The following APBB1 variants were observed in gnomAD, a reference collection of about 807,000 sequenced individuals.
APBB1 encodes adaptor protein FE65a2.
APBB1 carries 22 observed loss-of-function variants against 78.4 expected under a neutral mutation model. The ratio of observed to expected loss-of-function variants is 0.28; its 90% confidence interval spans 0.20 to 0.40. APBB1 has a LOEUF of 0.40. APBB1 is among the 10% of genes least tolerant of loss of function. APBB1 has a pLI of 1.00. For missense variants in APBB1, 749 were observed against 932.4 expected (o/e 0.80, Z 2.56); for synonymous variants, 369 against 372.7 (o/e 0.99, Z 0.12).
In APBB1 at chr11:6,395,412, C is replaced by T. The variant is rs2134028570; in HGVS notation, c.*122G>A. On this transcript the variant is annotated 3_prime_UTR_variant, in exon 15 of 15. Coordinates refer to ENST00000609360, the MANE Select transcript of APBB1 (RefSeq NM_001164.5). This position sits in a 1 kb window ranked among gnomAD's most constrained non-coding sequence, Gnocchi z 5.2. ...GCTCCTAGGCAGGGAACCGTAGCTA[C>T]TGGGGAGGGGCATATTTGGGAGGCC... 1 of 1,103,486 alleles carries T rather than the reference C, an allele frequency of 9.1e-7. No homozygotes were observed. 68.4% of individuals were successfully genotyped at this position (1,103,486 alleles called of 1,614,324 possible). A position where few individuals can be genotyped will look rare whatever the true frequency, so the allele number is the denominator to read the frequency against.
Position 6,410,877 on chromosome 11 carries a change from G to A in APBB1, c.471C>T (p.Ala157=), listed in dbSNP as rs764100827. The change falls in exon 2 of 15, where the codon GCC becomes GCT. Residue 157 remains alanine, a synonymous_variant. Transcript: ENST00000609360. The part of the protein sequence containing the change: ...DEGEEKAAGE[A]EEEEEDDDDE... ...CATCATCATCCTCCTCCTCCTCCTC[G>A]GCCTCCCCGGCCGCCTTCTCCTCTC... is the stretch of plus-strand genomic sequence containing the variant. The A allele has an allele frequency of 7.4e-6, 12 of 1,613,746 alleles. No homozygotes were observed. Among genetic ancestry groups the A allele is most frequent in the African/African-American group, 4.0e-5 (3 of 74,914 alleles).
rs34466697 is a variant in APBB1, at chr11:6,401,421, G to A, written c.1512C>T (p.Ala504=). Residue 504 remains alanine (A), a synonymous_variant, in exon 11 of 15, where the codon GCC becomes GCT. Transcript: ENST00000609360. The surrounding 1 kb of genome is among the most constrained non-coding windows in gnomAD (Gnocchi z 4.5). ...CCAAGCAGCGGGCATTACGCCGTTCGGCCATGATCTGAGGAAGGAAGGGAG... is the reference window on the plus strand; with the variant it reads ...CCAAGCAGCGGGCATTACGCCGTTCAGCCATGATCTGAGGAAGGAAGGGAG... ...SLHEICSKIM[A]ERRNARCLVN... is the part of the protein sequence containing the mutation. 3.7e-5 allele frequency: 60 copies of A among 1,613,574 alleles called. No homozygotes were observed. Among genetic ancestry groups the A allele is most frequent in the Middle Eastern group, 1.6e-4 (1 of 6,082 alleles).
Position 6,396,242 on chromosome 11 carries a change from C to CT in APBB1, c.1673-28dup, listed in dbSNP as rs905062627. On this transcript the variant is annotated intron_variant, in intron 12 of 14. Transcript: ENST00000609360. ...TAGAACATATGGACACAAGATACCA[C>CT]TGAGGGTAGACAGAGGATACCCCAG... 2.6e-6 allele frequency: 4 copies of CT among 1,539,844 alleles called. No homozygotes were observed. The African/African-American group carries it at 5.5e-5, about 21-fold the overall frequency.
In APBB1 at chr11:6,401,276, T is replaced by A. The variant is rs1308172925; in HGVS notation, c.1588+69A>T. 1 of 1,613,598 alleles carries A rather than the reference T, an allele frequency of 6.2e-7. No homozygotes were observed. The highest frequency in any genetic ancestry group is 2.2e-5 in the East Asian group (1 of 44,858). On this transcript the variant is annotated intron_variant, in intron 11 of 14. Coordinates refer to ENST00000609360, the MANE Select transcript of APBB1 (RefSeq NM_001164.5). The surrounding 1 kb of genome is among the most constrained non-coding windows in gnomAD (Gnocchi z 4.5). ...TCTATCAGCGCTGTCCAGGAGCTCA[T>A]GCCTTTCCTTGGGTCACCCACCTTT...
chr11:6,410,859 A>C lies in APBB1; in HGVS notation c.489T>G (p.Asp163Glu), dbSNP rs150119080. Reference protein sequence around the residue: ...AAGEAEEEEEDDDDEEEEEDL... With the variant: ...AAGEAEEEEEEDDDEEEEEDL... ...CCTCCTCCTCCTCTTCATCATCATCATCCTCCTCCTCCTCCTCGGCCTCCC... is the reference window on the plus strand; with the variant it reads ...CCTCCTCCTCCTCTTCATCATCATCCTCCTCCTCCTCCTCCTCGGCCTCCC... Residue 163 changes from aspartate (D) to glutamate (E), a missense_variant, in exon 2 of 15, where the codon GAT becomes GAG. Physicochemically the swap from Asp to Glu is conservative, Grantham distance 45 (BLOSUM62 2). Coordinates refer to ENST00000609360, the MANE Select transcript of APBB1 (RefSeq NM_001164.5). 4,596 of 1,610,748 alleles carry C rather than the reference A, an allele frequency of 2.9e-3. 6 individuals are homozygous for C. Among genetic ancestry groups the C allele is most frequent in the Non-Finnish European group, 3.3e-3 (3,848 of 1,177,840 alleles).
At chr11:6,406,697 A>G (rs930042530) in intron 2 of APBB1, among the ~76,000 whole-genome samples, 1 of 150,784 alleles carries the variant, frequency 6.6e-6, no homozygotes, top group Admixed American at 6.6e-5. Flanking sequence ...CTCCCAGCCC[A>G]CCTCCCTTAC....
chr11:6,404,967 T>C, intron 2 of APBB1: 3 of 1,436,638 alleles, frequency 2.1e-6, no homozygotes, highest in African/African-American at 2.9e-5. Context: ...TGGAGCTTGC[T>C]AGGGAGGGGC....
At chr11:6,408,861 A>G (rs998224525) in intron 2 of APBB1, among the ~76,000 whole-genome samples, 39 of 151,426 alleles carry the variant, frequency 2.6e-4, no homozygotes, top group African/African-American at 9.5e-4. Context: ...CTGTTTCTGA[A>G]CTCCTGGCCT....
chr11:6,404,102 A>G (rs894660831), intron 2 of APBB1: 3 of 410,160 alleles, frequency 7.3e-6, no homozygotes, highest in Non-Finnish European at 1.3e-5. Flanking sequence ...GAAGGGAGCA[A>G]TGAATGTTGG....
chr11:6,402,775 G>A, intron 6 of APBB1, 50 bp from the exon 7 acceptor site: 1 of 1,609,816 alleles, frequency 6.2e-7, no homozygotes, highest in Non-Finnish European at 8.5e-7. Flanking sequence ...AGTCAAAACT[G>A]GAGAGTTCCT....
At position 6,411,588 on chromosome 11, in the gene APBB1, C is replaced by A. The variant is rs1848965796; in HGVS notation, c.-14-227G>T. On this transcript the variant is annotated intron_variant, in intron 1 of 14. Transcript: ENST00000609360. The surrounding 1 kb of genome is among the most constrained non-coding windows in gnomAD (Gnocchi z 5.2). ...CTGAGGCCCACCCCATCCCTATATC[C>A]CCTGCCCTGAGCTTTCTGGGATGGC... 6.6e-6 allele frequency among the ~76,000 whole-genome samples: 1 copy of A among 151,966 alleles called. No homozygotes were observed. The highest frequency in any genetic ancestry group is 2.4e-5 in the African/African-American group (1 of 41,320).
chr11:6,415,171 T>G (rs1002649281), intron 1 of APBB1, among the ~76,000 whole-genome samples: 1 of 152,146 alleles, frequency 6.6e-6, no homozygotes, highest in African/African-American at 2.4e-5. Context: ...CTCATTGGAG[T>G]TACCAAAGGA....
intron 2 of APBB1, chr11:6,404,770 G>A (rs564816532): frequency 5.1e-4 from 782 of 1,536,192 alleles, no homozygotes; most frequent in Non-Finnish European, 6.4e-4. Context: ...GCAGGATAAT[G>A]GCCAGGAAAA....
chr11:6,400,773 C>T (rs557268621), intron 12 of APBB1, among the ~76,000 whole-genome samples: 6 of 152,288 alleles, frequency 3.9e-5, no homozygotes, highest in South Asian at 4.1e-4. Context: ...GCACCACTCA[C>T]GTGGCTGATG....
Position 6,402,271 on chromosome 11 carries a change from C to T in APBB1, c.1255-62G>A, listed in dbSNP as rs1848564357. On this transcript the variant is annotated intron_variant, in intron 7 of 14. Coordinates refer to ENST00000609360, the MANE Select transcript of APBB1 (RefSeq NM_001164.5). ...GCCAGGATGGTGGCTGATCTCTGAC[C>T]CCTGCAGCTCAGGGGATGTTAGCCA... is the stretch of plus-strand genomic sequence containing the variant. 30 of 1,592,088 alleles carry T rather than the reference C, an allele frequency of 1.9e-5. 1 individual carries two copies. Among genetic ancestry groups the T allele is most frequent in the South Asian group, 3.4e-5 (3 of 88,846 alleles).
chr11:6,398,646 C>G (rs1017820074), intron 12 of APBB1, among the ~76,000 whole-genome samples: 1 of 152,124 alleles, frequency 6.6e-6, no homozygotes, highest in Non-Finnish European at 1.5e-5. Flanking sequence ...AAGTTGAGGA[C>G]GAGAAGGAGG....
chr11:6,395,433 A>T lies in APBB1; in HGVS notation c.*101T>A. 1 of 1,298,958 alleles carries T rather than the reference A, an allele frequency of 7.7e-7. No individual in the cohort carries two copies. Among genetic ancestry groups the T allele is most frequent in the East Asian group, 2.7e-5 (1 of 37,724 alleles). 80.5% of individuals were successfully genotyped at this position (1,298,958 alleles called of 1,614,324 possible). A position where few individuals can be genotyped will look rare whatever the true frequency, so the allele number is the denominator to read the frequency against. The stretch of plus-strand genomic sequence containing the variant: ...GCTACTGGGGAGGGGCATATTTGGG[A>T]GGCCTGAGGCCTAGGAATAGCCTCT... On this transcript the variant is annotated 3_prime_UTR_variant, in exon 15 of 15. Coordinates refer to ENST00000609360, the MANE Select transcript of APBB1 (RefSeq NM_001164.5). This position sits in a 1 kb window ranked among gnomAD's most constrained non-coding sequence, Gnocchi z 5.2.
At chr11:6,402,808 C>A in intron 6 of APBB1, 83 bp from the exon 7 acceptor site, 1 of 1,555,926 alleles carries the variant, frequency 6.4e-7, no homozygotes, top group East Asian at 2.3e-5. Context: ...TGGCAGGAGG[C>A]AGGGTGTTCT....
chr11:6,397,522 C>T (rs1035928976), intron 12 of APBB1, among the ~76,000 whole-genome samples: 3 of 152,178 alleles, frequency 2.0e-5, no homozygotes, highest in African/African-American at 7.2e-5. Flanking sequence ...AAGAGAATGC[C>T]CTTGAGAGAC....
Sources: allele counts gnomAD v4.1 joint callset (sites outside exome capture counted in the v4.1 genomes callset), GRCh38; gene constraint gnomAD v4.1.1; non-coding constraint Gnocchi (gnomAD v3.1); transcripts MANE v1.5; gene names NCBI Gene and HGNC (gene_info 2026-07-23, HGNC 2026-07-21).